MS4A7: variants seen among roughly 807,000 people sequenced by gnomAD.
The protein encoded by MS4A7 is membrane spanning 4-domains A7, also known as membrane-spanning 4-domains subfamily A member 7.
MS4A7 carries 21 observed loss-of-function variants against 23.5 expected under a neutral mutation model. The ratio of observed to expected loss-of-function variants is 0.89; its 90% CI spans 0.63 to 1.29. The LOEUF (loss-of-function observed/expected upper bound fraction) is 1.29, where lower values mean the gene tolerates loss of function less well. MS4A7 is among the 50% of genes most tolerant of loss of function. The pLI is 0.00. For synonymous variants in MS4A7, 111 were observed against 107.4 expected, an observed-to-expected ratio of 1.03 and a Z score of -0.21; for missense variants, 263 against 274.2, an observed-to-expected ratio of 0.96 and a Z score of 0.29.
chr11:60,387,914 A>G (rs1231563589), intron 4 of MS4A7, among the ~76,000 whole-genome samples: 1 of 152,226 alleles, frequency 6.6e-6, no homozygotes, highest in Non-Finnish European at 1.5e-5. Context: ...TCTACATTTT[A>G]GGAGACAGGA....
intron 5 of MS4A7, 24 bp downstream of exon 5, chr11:60,389,620 C>A (rs769065659): frequency 3.1e-6 from 5 of 1,594,612 alleles, no homozygotes; most frequent in Non-Finnish European, 4.3e-6. Flanking sequence ...GACTGAATAT[C>A]CTGTCATGTG....
intron 5 of MS4A7, 35 bp from the exon 6 acceptor site, chr11:60,392,650 T>G: frequency 6.4e-7 from 1 of 1,555,970 alleles, no homozygotes; most frequent in Non-Finnish European, 8.9e-7. Context: ...GGCTAGCTTG[T>G]CTTGGGTACC....
chr11:60,383,197 T>C lies in MS4A7; in HGVS notation c.56T>C (p.Ile19Thr). Residue 19 changes from isoleucine (I) to threonine (T), a missense_variant, in exon 2 of 7, where the codon ATC becomes ACC. Coordinates refer to ENST00000300184, the MANE Select transcript of MS4A7 (RefSeq NM_021201.5). ...GVSHSFTPKG[I>T]TIPQREKPGH... The stretch of plus-strand genomic sequence containing the variant: ...TCTCACAGCTTTACACCAAAGGGCA[T>C]CACTATCCCTCAAAGAGAGAAACCT... The C allele has an allele frequency of 6.2e-7, 1 of 1,614,146 alleles. No individual in the cohort carries two copies. Among genetic ancestry groups the C allele is most frequent in the Non-Finnish European group, 8.5e-7 (1 of 1,180,012 alleles).
chr11:60,394,959 G>GA lies in MS4A7; in HGVS notation c.*1100dup, dbSNP rs1392800964. On this transcript the variant is annotated 3_prime_UTR_variant, in exon 7 of 7. Coordinates refer to ENST00000300184, the MANE Select transcript of MS4A7 (RefSeq NM_021201.5). ...CTGTCATTTCAGGGTAGGAGTCAAT[G>GA]AAGACATCTTAGTCTTAACAAGTTA... The GA allele has an allele frequency of 1.5e-6, 1 of 666,208 alleles. No individual in the cohort carries two copies. Among genetic ancestry groups the GA allele is most frequent in the Non-Finnish European group, 2.8e-6 (1 of 363,154 alleles). 41.3% of individuals were successfully genotyped at this position (666,208 alleles called of 1,614,324 possible). A position where few individuals can be genotyped will look rare whatever the true frequency, so the allele number is the denominator to read the frequency against.
At chr11:60,386,428 CT>C in intron 3 of MS4A7, 2 of 348,546 alleles carry the variant, frequency 5.7e-6, no homozygotes. Context: ...TAGTAACACT[CT>C]TCTCCTTCCC....
At chr11:60,388,370 G>C (rs1377807988) in intron 4 of MS4A7, among the ~76,000 whole-genome samples, 1 of 152,190 alleles carries the variant, frequency 6.6e-6, no homozygotes, top group Non-Finnish European at 1.5e-5. Context: ...AGTGACAGAT[G>C]GGTCAGTGAC....
At chr11:60,386,339 C>T (rs1368046445) in intron 3 of MS4A7, among the ~76,000 whole-genome samples, 1 of 152,206 alleles carries the variant, frequency 6.6e-6, no homozygotes, top group Non-Finnish European at 1.5e-5. Flanking sequence ...TTCCTGAGTG[C>T]TTCTGTTGGC....
rs1270255990 is a variant in MS4A7, at chr11:60,392,755, G to T, written c.617G>T (p.Trp206Leu). The T allele has an allele frequency of 2.5e-6, 4 of 1,613,702 alleles. No individual in the cohort carries two copies. Among genetic ancestry groups the T allele is most frequent in the Non-Finnish European group, 3.4e-6 (4 of 1,179,868 alleles). Residue 206 changes from tryptophan (W) to leucine (L), a missense_variant, in exon 6 of 7, where the codon TGG becomes TTG. By Grantham distance (61) the Trp-to-Leu change is moderately conservative. Transcript: ENST00000300184. ...LLLAAYSSVF[W>L]WKQLYSNNPG... Reference sequence around the variant, plus strand: ...TTAGCTGCATACAGTTCTGTCTTTTGGTGGAAACAGCTCTACTCCAACAAC... The same window carrying T: ...TTAGCTGCATACAGTTCTGTCTTTTTGTGGAAACAGCTCTACTCCAACAAC...
chr11:60,386,234 C>T (rs1462848711), intron 3 of MS4A7, among the ~76,000 whole-genome samples: 1 of 152,216 alleles, frequency 6.6e-6, no homozygotes, highest in Non-Finnish European at 1.5e-5. Flanking sequence ...TGAGCCTGCT[C>T]TTCCCACTTT....
intron 4 of MS4A7, 152 bp from the exon 5 acceptor site, chr11:60,389,238 T>C (rs1468000841): frequency 4.9e-6 from 3 of 613,442 alleles, no homozygotes; most frequent in Non-Finnish European, 8.7e-6. Flanking sequence ...CGACAAGAGA[T>C]ACAAAGATGA....
At chr11:60,386,028 G>A (rs1472811797) in intron 3 of MS4A7, among the ~76,000 whole-genome samples, 1 of 152,166 alleles carries the variant, frequency 6.6e-6, no homozygotes, top group Non-Finnish European at 1.5e-5. Flanking sequence ...ACCAGTGGTT[G>A]TGGGCCCCAC....
Position 60,393,802 on chromosome 11 carries a change from A to T in MS4A7, c.664A>T (p.Thr222Ser). The T allele has an allele frequency of 6.2e-7, 1 of 1,610,944 alleles. No individual in the cohort carries two copies. Among genetic ancestry groups the T allele is most frequent in the Non-Finnish European group, 8.5e-7 (1 of 1,178,812 alleles). The change falls in exon 7 of 7, where the codon ACC (threonine) becomes TCC (serine). Residue 222 changes from threonine to serine, a missense_variant. Transcript: ENST00000300184. ...SNNPGSSFSS[T>S]QSQDHIQQVK... ...TATTTTCTAGAGTTCATTTTCCTCG[A>T]CCCAGTCACAAGATCATATCCAACA... is the stretch of plus-strand genomic sequence containing the variant.
At chr11:60,384,785 C>T (rs1294923518) in intron 2 of MS4A7, among the ~76,000 whole-genome samples, 1 of 152,194 alleles carries the variant, frequency 6.6e-6, no homozygotes, top group Non-Finnish European at 1.5e-5. Context: ...CACTGGACAA[C>T]TTTTTTATCT....
intron 4 of MS4A7, among the ~76,000 whole-genome samples, chr11:60,388,649 G>A (rs900710692): frequency 2.6e-5 from 4 of 152,114 alleles, no homozygotes; most frequent in South Asian, 2.1e-4. Flanking sequence ...AGGCTGCTAC[G>A]GAGAGAAGCA....
chr11:60,384,607 T>G (rs2085464207), intron 2 of MS4A7, among the ~76,000 whole-genome samples: 1 of 152,244 alleles, frequency 6.6e-6, no homozygotes, highest in Admixed American at 6.5e-5. Flanking sequence ...TAGAGCAAGC[T>G]AACAGCTAAA....
chr11:60,390,550 T>C (rs2085539724), intron 5 of MS4A7, among the ~76,000 whole-genome samples: 1 of 152,076 alleles, frequency 6.6e-6, no homozygotes, highest in African/African-American at 2.4e-5. Context: ...AAGCAACCCC[T>C]TTGGTTCAGG....
At chr11:60,383,332 GT>G in intron 2 of MS4A7, 44 bp downstream of exon 2, 1 of 1,604,910 alleles carries the variant, frequency 6.2e-7, no homozygotes, top group Non-Finnish European at 8.5e-7. Flanking sequence ...AAAATACTTT[GT>G]AAATGTATCT....
At chr11:60,384,983 AAATT>A in intron 2 of MS4A7, 101 bp from the exon 3 acceptor site, 1 of 1,093,384 alleles carries the variant, frequency 9.1e-7, no homozygotes. Context: ...TTAATATAAC[AAATT>A]ATAATGTATT....
At chr11:60,392,308 A>G (rs2085561862) in intron 5 of MS4A7, among the ~76,000 whole-genome samples, 2 of 152,198 alleles carry the variant, frequency 1.3e-5, no homozygotes, top group Non-Finnish European at 2.9e-5. Context: ...AGAATTTAAT[A>G]AAAACATGAG....
Sources: gnomAD v4.1 joint callset for allele counts (sites outside exome capture counted in the v4.1 genomes callset) on GRCh38, gnomAD v4.1.1 for gene constraint, MANE v1.5 for transcripts, NCBI Gene and HGNC (gene_info 2026-07-23, HGNC 2026-07-21) for gene names.